The following RBM26 variants were observed in gnomAD, a reference collection of about 807,000 sequenced individuals.
RBM26 encodes the protein RNA binding motif protein 26, also known as RNA-binding protein 26.
RBM26 carries 30 observed loss-of-function variants against 123.6 expected under a neutral mutation model. The ratio of observed to expected loss-of-function variants is 0.24; its 90% CI spans 0.18 to 0.33. RBM26 has a LOEUF of 0.33. Ranked by LOEUF, RBM26 falls within the 10% of genes least tolerant of loss-of-function variation. The probability of loss-of-function intolerance (pLI) is 1.00; values close to 1 mark genes in which losing one functional copy is unlikely to be tolerated. For missense variants in RBM26, 947 were observed against 1,203.6 expected (o/e 0.79, Z 3.15); for synonymous variants, 400 against 404.4 (o/e 0.99, Z 0.13).
intron 16 of RBM26, 111 bp downstream of exon 16, chr13:79,344,137 T>C (rs941079134): frequency 1.3e-6 from 1 of 758,016 alleles, no homozygotes; most frequent in Non-Finnish European, 2.4e-6. Context: ...CAAATATTTG[T>C]TTTACCATTA....
At chr13:79,360,111 T>C (rs1161846584) in intron 9 of RBM26, among the ~76,000 whole-genome samples, 3 of 152,118 alleles carry the variant, frequency 2.0e-5, no homozygotes, top group African/African-American at 7.2e-5. Context: ...ACATAACTTT[T>C]ATTATAGTAT....
intron 14 of RBM26, among the ~76,000 whole-genome samples, chr13:79,347,106 C>A (rs1452044159): frequency 1.3e-5 from 2 of 152,192 alleles, no homozygotes; most frequent in Non-Finnish European, 2.9e-5. Context: ...TAGTATCAGA[C>A]TAAGGAGTGC....
At chr13:79,393,549 G>A (rs1221745470) in intron 1 of RBM26, among the ~76,000 whole-genome samples, 1 of 152,186 alleles carries the variant, frequency 6.6e-6, no homozygotes, top group South Asian at 2.1e-4. Context: ...CGCATGACTT[G>A]AGTACATTCC....
At chr13:79,364,950 G>A (rs1202718947) in intron 9 of RBM26, among the ~76,000 whole-genome samples, 1 of 151,604 alleles carries the variant, frequency 6.6e-6, no homozygotes, top group Non-Finnish European at 1.5e-5. Context: ...AGGAATTAAA[G>A]CGTTACTCTC....
intron 20 of RBM26, among the ~76,000 whole-genome samples, chr13:79,324,175 T>C (rs2068049609): frequency 6.6e-6 from 1 of 151,746 alleles, no homozygotes; most frequent in Non-Finnish European, 1.5e-5. Context: ...AATTCGGAGT[T>C]AAATCCTACA....
At chr13:79,327,981 A>C (rs2068702207) in intron 20 of RBM26, among the ~76,000 whole-genome samples, 1 of 152,282 alleles carries the variant, frequency 6.6e-6, no homozygotes, top group South Asian at 2.1e-4. Flanking sequence ...TATACTGGCT[A>C]TGTTAAAAAA....
chr13:79,390,137 T>C lies in RBM26; in HGVS notation c.72-11230A>G, dbSNP rs141603126. On this transcript the variant is annotated intron_variant, in intron 1 of 21. Coordinates refer to ENST00000438737, the MANE Select transcript of RBM26 (RefSeq NM_001366735.2). ...TTTTGGTTTCTATTTCTACACTGTTTAAATTTTTATTAGAACCATCATGTA... is the reference window on the plus strand; with the variant it reads ...TTTTGGTTTCTATTTCTACACTGTTCAAATTTTTATTAGAACCATCATGTA... Among the ~76,000 whole-genome samples the C allele has an allele frequency of 5.3e-5, 8 of 152,298 alleles. No homozygotes were observed. In the East Asian group the frequency reaches 1.5e-3, roughly 29 times the overall value.
intron 11 of RBM26, among the ~76,000 whole-genome samples, chr13:79,355,963 T>G (rs1288757275): frequency 1.3e-5 from 2 of 152,206 alleles, no homozygotes; most frequent in Admixed American, 1.3e-4. Context: ...TAATAAGTAA[T>G]AAATCCAAGA....
At chr13:79,344,908 G>A (rs183886901) in intron 14 of RBM26, 114 bp from the exon 15 acceptor site, 545 of 891,458 alleles carry the variant, frequency 6.1e-4, no homozygotes, top group Middle Eastern at 1.2e-3. Context: ...AAAACACACT[G>A]AACTAAATGT....
At chr13:79,355,503 T>G (rs4328330) in intron 11 of RBM26, 119 bp from the exon 12 acceptor site, 4 of 698,762 alleles carry the variant, frequency 5.7e-6, no homozygotes, top group Non-Finnish European at 9.4e-6. Flanking sequence ...TTTATACTTC[T>G]TGGTATCTGG....
intron 1 of RBM26, among the ~76,000 whole-genome samples, chr13:79,405,472 T>C (rs1486267526): frequency 1.3e-5 from 2 of 151,598 alleles, no homozygotes; most frequent in Non-Finnish European, 2.9e-5. Context: ...AGACGGTCTA[T>C]ATATAACGGG....
At chr13:79,388,783 A>G (rs1316579765) in intron 1 of RBM26, among the ~76,000 whole-genome samples, 1 of 152,234 alleles carries the variant, frequency 6.6e-6, no homozygotes, top group Non-Finnish European at 1.5e-5. Context: ...TAAAAAATTA[A>G]ACTTTTTAAA....
At chr13:79,364,730 T>G (rs1275177638) in intron 9 of RBM26, among the ~76,000 whole-genome samples, 2 of 148,188 alleles carry the variant, frequency 1.3e-5, no homozygotes, top group African/African-American at 5.3e-5. Flanking sequence ...TGCCCTAGCT[T>G]GTGACTATGT....
chr13:79,343,565 T>A (rs1327678572), intron 16 of RBM26, among the ~76,000 whole-genome samples: 1 of 151,858 alleles, frequency 6.6e-6, no homozygotes, highest in Non-Finnish European at 1.5e-5. Flanking sequence ...TTACTAGACA[T>A]AATCAAGAAC....
chr13:79,367,211 A>C (rs1040293979), intron 6 of RBM26, among the ~76,000 whole-genome samples: 2 of 151,792 alleles, frequency 1.3e-5, no homozygotes, highest in African/African-American at 4.8e-5. Context: ...GTTCGAGACC[A>C]GCCTGACGAA....
At chr13:79,376,986 G>C (rs1566526401) in intron 3 of RBM26, 1 of 166,498 alleles carries the variant, frequency 6.0e-6, no homozygotes, top group Non-Finnish European at 1.3e-5. Context: ...ATACTAGGTA[G>C]GCGGTGCCTA....
At position 79,387,291 on chromosome 13, in the gene RBM26, A is replaced by AT. The variant is rs953633923; in HGVS notation, c.72-8385dup. Among the ~76,000 whole-genome samples, 11 of 6,774 alleles carry AT rather than the reference A, an allele frequency of 1.6e-3. No homozygotes were observed. The East Asian group carries it at 0.19, about 115-fold the overall frequency. 4.4% of individuals were successfully genotyped at this position (6,774 alleles called of 152,430 possible). On this transcript the variant is annotated intron_variant, in intron 1 of 21. Coordinates refer to ENST00000438737, the MANE Select transcript of RBM26 (RefSeq NM_001366735.2). ...AGGGATTACTAAATAATGAACTATG[A>AT]TAAAAAAAAATGCCTATAATCACCC...
At position 79,378,783 on chromosome 13, in the gene RBM26, T is replaced by C; in HGVS notation, c.190+6A>G. 2 of 1,518,628 alleles carry C rather than the reference T, an allele frequency of 1.3e-6. No homozygotes were observed. Among genetic ancestry groups the C allele is most frequent in the South Asian group, 2.3e-5 (2 of 86,738 alleles). The allele number at this position is 1,518,628 out of a possible 1,614,324, so 94.1% of individuals were successfully genotyped here. A position where few individuals can be genotyped will look rare whatever the true frequency, so the allele number is the denominator to read the frequency against. Reference sequence around the variant, plus strand: ...TATAGTAGTATTTTTAAACCAAAGATCTTACCTTTCTGAAGAAATACATCC... The same window carrying C: ...TATAGTAGTATTTTTAAACCAAAGACCTTACCTTTCTGAAGAAATACATCC... On this transcript the variant is annotated splice_donor_region_variant and intron_variant, in intron 2 of 21. Coordinates refer to ENST00000438737, the MANE Select transcript of RBM26 (RefSeq NM_001366735.2).
Position 79,368,852 on chromosome 13 carries a change from A to C in RBM26, c.773T>G (p.Ile258Ser), listed in dbSNP as rs761507796. ...GTTGTTTCCATGATGAGTAGGAGCA[A>C]TTACTGTAATAGTGCTGCTCAAAGT... is the stretch of plus-strand genomic sequence containing the variant. Reference protein sequence around the residue: ...VPTLSSTITVIAPTHHGNNTT... With the variant: ...VPTLSSTITVSAPTHHGNNTT... Residue 258 changes from isoleucine (I) to serine (S), a missense_variant, in exon 6 of 22, where the codon ATT (isoleucine) becomes AGT (serine). Transcript: ENST00000438737. 1 of 1,613,924 alleles carries C rather than the reference A, an allele frequency of 6.2e-7. No homozygotes were observed. The highest frequency in any genetic ancestry group is 1.3e-5 in the African/African-American group (1 of 75,032).
Sources: gnomAD v4.1 joint callset for allele counts (sites outside exome capture counted in the v4.1 genomes callset) on GRCh38, gnomAD v4.1.1 for gene constraint, MANE v1.5 for transcripts, NCBI Gene and HGNC (gene_info 2026-07-23, HGNC 2026-07-21) for gene names.